Variants in SLC35F1 observed in about 807,000 individuals in gnomAD.
SLC35F1 encodes the protein solute carrier family 35 member F1, also known as chromosome 6 open reading frame 169.
A neutral mutation model predicts 48.7 loss-of-function variants in SLC35F1; 14 were observed. The ratio of observed to expected loss-of-function variants is 0.29; its 90% confidence interval spans 0.19 to 0.45. SLC35F1 has a LOEUF of 0.45. Ranked by LOEUF, SLC35F1 falls within the 20% of genes least tolerant of loss-of-function variation. SLC35F1 has a pLI of 1.00. For missense variants in SLC35F1, 404 were observed against 500.0 expected (o/e 0.81, Z 1.83); for synonymous variants, 190 against 202.2 (o/e 0.94, Z 0.51).
chr6:117,909,316 C>T (rs1373791655), intron 1 of SLC35F1, among the ~76,000 whole-genome samples: 1 of 151,766 alleles, frequency 6.6e-6, no homozygotes, highest in Non-Finnish European at 1.5e-5. Context: ...TTGCAATTAC[C>T]TTGTCATTGG....
intron 1 of SLC35F1, among the ~76,000 whole-genome samples, chr6:117,980,826 G>A (rs1776767218): frequency 6.6e-6 from 1 of 152,208 alleles, no homozygotes; most frequent in South Asian, 2.1e-4. Flanking sequence ...AAGTGGAGGA[G>A]TTCAACAGCT....
intron 1 of SLC35F1, among the ~76,000 whole-genome samples, chr6:118,120,063 G>A (rs777475839): frequency 6.6e-6 from 1 of 152,224 alleles, no homozygotes; most frequent in South Asian, 2.1e-4. Context: ...ACACACAGAT[G>A]GTTTCCCACC....
intron 1 of SLC35F1, among the ~76,000 whole-genome samples, chr6:118,025,756 G>A (rs753542742): frequency 7.2e-5 from 11 of 152,194 alleles, no homozygotes; most frequent in Non-Finnish European, 1.6e-4. Flanking sequence ...TGGCCTTTGA[G>A]AACTCTTTCA....
At chr6:117,925,128 T>G (rs371828306) in intron 1 of SLC35F1, among the ~76,000 whole-genome samples, 1 of 152,200 alleles carries the variant, frequency 6.6e-6, no homozygotes, top group East Asian at 1.9e-4. Flanking sequence ...CCCAAAGTCT[T>G]GCATTGGTTT....
At chr6:117,956,066 A>G (rs1776423222) in intron 1 of SLC35F1, among the ~76,000 whole-genome samples, 1 of 152,092 alleles carries the variant, frequency 6.6e-6, no homozygotes, top group African/African-American at 2.4e-5. Context: ...CACTTGGGAG[A>G]GTATGAGTTG....
At chr6:117,959,317 A>G (rs971305366) in intron 1 of SLC35F1, among the ~76,000 whole-genome samples, 1 of 152,176 alleles carries the variant, frequency 6.6e-6, no homozygotes, top group Admixed American at 6.5e-5. Context: ...GCAGCCTCCT[A>G]GTTCTCTTGT....
chr6:118,171,997 T>A (rs1774411905), intron 2 of SLC35F1, among the ~76,000 whole-genome samples: 1 of 152,138 alleles, frequency 6.6e-6, no homozygotes, highest in Non-Finnish European at 1.5e-5. Flanking sequence ...CCTTTTATAG[T>A]AGTGTAATTA....
At chr6:118,127,704 AC>A (rs1773647854) in intron 1 of SLC35F1, among the ~76,000 whole-genome samples, 1 of 151,826 alleles carries the variant, frequency 6.6e-6, no homozygotes, top group African/African-American at 2.4e-5. Context: ...AACCATAAAA[AC>A]CCTAGAAGAA....
intron 1 of SLC35F1, among the ~76,000 whole-genome samples, chr6:118,004,795 C>T (rs1777152364): frequency 1.3e-5 from 2 of 151,908 alleles, no homozygotes; most frequent in Non-Finnish European, 2.9e-5. Flanking sequence ...GTGATCCTCC[C>T]GCCTTGGCCT....
intron 2 of SLC35F1, among the ~76,000 whole-genome samples, chr6:118,205,502 A>G (rs117995429): frequency 0.012 from 1,835 of 152,330 alleles, 20 homozygotes; most frequent in Admixed American, 0.041. Context: ...AAAACCAGAA[A>G]GTAAGTGTTA....
chr6:118,153,274 T>C (rs1774090392), intron 1 of SLC35F1, among the ~76,000 whole-genome samples: 1 of 152,168 alleles, frequency 6.6e-6, no homozygotes, highest in African/African-American at 2.4e-5. Context: ...CAATAATATA[T>C]TGTATATTCC....
At chr6:118,128,503 C>T (rs1271630088) in intron 1 of SLC35F1, among the ~76,000 whole-genome samples, 2 of 151,848 alleles carry the variant, frequency 1.3e-5, no homozygotes, top group Non-Finnish European at 2.9e-5. Context: ...GAGTTCATGT[C>T]CTTTGTAGGG....
intron 1 of SLC35F1, among the ~76,000 whole-genome samples, chr6:118,063,808 A>G (rs1019577376): frequency 7.9e-5 from 12 of 152,252 alleles, no homozygotes; most frequent in Admixed American, 2.0e-4. Context: ...AATGCTTGAA[A>G]AAAAACTCAA....
At chr6:118,277,822 G>GAA (rs11417772) in intron 6 of SLC35F1, among the ~76,000 whole-genome samples, 73 of 147,632 alleles carry the variant, frequency 4.9e-4, no homozygotes, top group African/African-American at 1.7e-3. Flanking sequence ...AACACCAACA[G>GAA]AAAAAAAAAA....
At chr6:118,294,200 A>G (rs540849509) in intron 7 of SLC35F1, among the ~76,000 whole-genome samples, 3 of 152,340 alleles carry the variant, frequency 2.0e-5, no homozygotes, top group Non-Finnish European at 4.4e-5. Context: ...ACAATTTTGT[A>G]TGAGTTCTCT....
chr6:118,301,765 C>A (rs1429884109), intron 7 of SLC35F1, among the ~76,000 whole-genome samples: 1 of 152,102 alleles, frequency 6.6e-6, no homozygotes, highest in Non-Finnish European at 1.5e-5. Flanking sequence ...CGGTCTCCAT[C>A]ACAACTACAC....
intron 1 of SLC35F1, among the ~76,000 whole-genome samples, chr6:118,085,690 C>T (rs573267748): frequency 8.2e-5 from 9 of 109,910 alleles, no homozygotes; most frequent in Non-Finnish European, 1.3e-4. Flanking sequence ...ATATTAATCA[C>T]GGATTTTACA....
intron 2 of SLC35F1, among the ~76,000 whole-genome samples, chr6:118,156,520 G>A (rs557846456): frequency 6.6e-6 from 1 of 152,058 alleles, no homozygotes; most frequent in Non-Finnish European, 1.5e-5. Context: ...ACCAGGGCCT[G>A]TTGGGGGTTG....
intron 2 of SLC35F1, among the ~76,000 whole-genome samples, chr6:118,179,929 G>A (rs768196992): frequency 3.8e-4 from 58 of 152,210 alleles, no homozygotes; most frequent in Non-Finnish European, 4.4e-4. Context: ...GGCTTGGAAC[G>A]CAGCAAATGT....
Sources: allele counts gnomAD v4.1 joint callset (sites outside exome capture counted in the v4.1 genomes callset), GRCh38; gene constraint gnomAD v4.1.1; transcripts MANE v1.5; gene names NCBI Gene and HGNC (gene_info 2026-07-23, HGNC 2026-07-21).